Variants in CNTLN observed in about 807,000 individuals in gnomAD.
CNTLN encodes centlein, also known as centlein, centrosomal protein.
CNTLN carries 212 observed loss-of-function variants against 180.0 expected under a neutral mutation model. That is an observed-to-expected ratio of 1.18 (90% confidence interval 1.05 to 1.32). CNTLN has a LOEUF of 1.32. Among genes scored for constraint, CNTLN ranks in the 40% most tolerant of loss-of-function variants. The pLI, the probability that CNTLN is intolerant of heterozygous loss-of-function variation, is 0.00. For synonymous variants in CNTLN, 722 were observed against 563.1 expected (o/e 1.28, Z -3.99); for missense variants, 2,095 against 1,610.9 (o/e 1.30, Z -5.14).
At chr9:17,480,268 A>C (rs746670743) in intron 23 of CNTLN, among the ~76,000 whole-genome samples, 47 of 152,118 alleles carry the variant, frequency 3.1e-4, no homozygotes, top group Non-Finnish European at 5.7e-4. Context: ...CATCCAAAGA[A>C]CTGATTTACC....
intron 5 of CNTLN, among the ~76,000 whole-genome samples, chr9:17,237,022 T>C (rs1825188146): frequency 6.6e-6 from 1 of 152,032 alleles, no homozygotes; most frequent in Non-Finnish European, 1.5e-5. Flanking sequence ...TCTATGGTGG[T>C]GCTTTCTTTG....
chr9:17,198,138 T>C (rs1256445966), intron 2 of CNTLN, among the ~76,000 whole-genome samples: 1 of 152,198 alleles, frequency 6.6e-6, no homozygotes, highest in Non-Finnish European at 1.5e-5. Context: ...TACTATAGCT[T>C]TGTAGTATAA....
chr9:17,408,075 C>T (rs967188957), intron 15 of CNTLN, among the ~76,000 whole-genome samples: 2 of 125,666 alleles, frequency 1.6e-5, no homozygotes, highest in Non-Finnish European at 3.1e-5. Context: ...TGCAGTGAGC[C>T]GAGATCGTGC....
intron 7 of CNTLN, chr9:17,299,381 T>TA: frequency 1.2e-6 from 1 of 860,020 alleles, no homozygotes; most frequent in Non-Finnish European, 1.4e-6. Flanking sequence ...AAGTGAGGCT[T>TA]AGAGAGGTTA....
chr9:17,395,158 G>T lies in CNTLN; in HGVS notation c.2615+89G>T, dbSNP rs377050192. ...TGGAGATTGAATTTCAACTACTGTC[G>T]ATTTGGTATTCAGAAAAAATACTGT... On this transcript the variant is annotated intron_variant, in intron 15 of 25. Transcript: ENST00000380647. 14 of 1,466,124 alleles carry T rather than the reference G, an allele frequency of 9.5e-6. 1 individual carries two copies. The South Asian group carries it at 1.6e-4, about 17-fold the overall frequency. 90.8% of individuals were successfully genotyped at this position (1,466,124 alleles called of 1,614,324 possible). A position where few individuals can be genotyped will look rare whatever the true frequency, so the allele number is the denominator to read the frequency against.
At chr9:17,412,883 T>C (rs1001348347) in intron 16 of CNTLN, among the ~76,000 whole-genome samples, 1 of 152,082 alleles carries the variant, frequency 6.6e-6, no homozygotes, top group East Asian at 1.9e-4. Flanking sequence ...AAAATAGACC[T>C]AAAACAAAAG....
At chr9:17,519,333 A>G in the CNTLN span, among the ~76,000 whole-genome samples, 4 of 151,970 alleles carry the variant, frequency 2.6e-5, no homozygotes, top group African/African-American at 9.7e-5. Context: ...CATAAAATTA[A>G]CTGTTCTTTT....
At chr9:17,218,345 T>G (rs1342600217) in intron 2 of CNTLN, among the ~76,000 whole-genome samples, 1 of 152,146 alleles carries the variant, frequency 6.6e-6, no homozygotes, top group African/African-American at 2.4e-5. Flanking sequence ...AAAGTTTTCT[T>G]TTTTTAAATA....
chr9:17,494,412 G>A (rs1362972414), intron 25 of CNTLN, among the ~76,000 whole-genome samples: 2 of 152,060 alleles, frequency 1.3e-5, no homozygotes, highest in South Asian at 2.1e-4. Context: ...TGTGCAGGTT[G>A]TTATATAGGT....
At chr9:17,197,428 T>C (rs900822120) in intron 2 of CNTLN, among the ~76,000 whole-genome samples, 2 of 152,138 alleles carry the variant, frequency 1.3e-5, no homozygotes, top group Admixed American at 1.3e-4. Context: ...TATTATACTT[T>C]AAGTTCTAGG....
chr9:17,144,549 C>G (rs1290411301), intron 2 of CNTLN, among the ~76,000 whole-genome samples: 4 of 151,866 alleles, frequency 2.6e-5, no homozygotes, highest in Non-Finnish European at 4.4e-5. Context: ...TTTTACTTTT[C>G]TCTTGGTTAA....
At chr9:17,171,991 G>A (rs1820451259) in intron 2 of CNTLN, among the ~76,000 whole-genome samples, 1 of 152,150 alleles carries the variant, frequency 6.6e-6, no homozygotes, top group African/African-American at 2.4e-5. Flanking sequence ...CTGCTGTGTT[G>A]GTGGCTTCAA....
intron 5 of CNTLN, among the ~76,000 whole-genome samples, chr9:17,266,497 A>T (rs571148549): frequency 1.4e-4 from 22 of 152,180 alleles, no homozygotes; most frequent in Non-Finnish European, 1.8e-4. Context: ...TGTGCTGCTG[A>T]ATAAAATGTA....
chr9:17,174,090 CA>C (rs1266229651), intron 2 of CNTLN, among the ~76,000 whole-genome samples: 1 of 152,220 alleles, frequency 6.6e-6, no homozygotes, highest in Non-Finnish European at 1.5e-5. Context: ...TGGAATCAGA[CA>C]GCATGTAACT....
In CNTLN at chr9:17,357,360, C is replaced by T. The variant is rs1039752846; in HGVS notation, c.1887-9257C>T. On this transcript the variant is annotated intron_variant, in intron 12 of 25. Coordinates refer to ENST00000380647, the MANE Select transcript of CNTLN (RefSeq NM_017738.4). The stretch of plus-strand genomic sequence containing the variant: ...CAGGATTCTTTGTATCCTCCACAGG[C>T]AGATATATCACTTGAGTAAATGGCA... 3.3e-5 allele frequency among the ~76,000 whole-genome samples: 5 copies of T among 151,762 alleles called. No homozygotes were observed. In the East Asian group the frequency reaches 9.7e-4, roughly 29 times the overall value.
intron 25 of CNTLN, among the ~76,000 whole-genome samples, chr9:17,489,797 A>G (rs1039717543): frequency 2.0e-5 from 3 of 152,008 alleles, no homozygotes; most frequent in Non-Finnish European, 4.4e-5. Context: ...TTGTGATGCT[A>G]TTGGTAATTT....
chr9:17,395,116 T>C (rs1277415502), intron 15 of CNTLN, 47 bp downstream of exon 15: 5 of 1,525,194 alleles, frequency 3.3e-6, no homozygotes, highest in Non-Finnish European at 4.4e-6. Context: ...ACTGCGCATA[T>C]GTAAAGCACT....
intron 2 of CNTLN, among the ~76,000 whole-genome samples, chr9:17,212,773 T>G (rs1040856735): frequency 2.4e-4 from 36 of 152,194 alleles, no homozygotes; most frequent in African/African-American, 8.2e-4. Context: ...TCTTCCTGGT[T>G]TAGTCTTCGG....
At chr9:17,293,310 C>T (rs540579508) in intron 6 of CNTLN, among the ~76,000 whole-genome samples, 48 of 152,334 alleles carry the variant, frequency 3.2e-4, no homozygotes, top group African/African-American at 8.7e-4. Context: ...GGAGCGGGTG[C>T]GCTGTGCTGT....
Sources: gnomAD v4.1 joint callset for allele counts (sites outside exome capture counted in the v4.1 genomes callset) on GRCh38, gnomAD v4.1.1 for gene constraint, MANE v1.5 for transcripts, NCBI Gene and HGNC (gene_info 2026-07-23, HGNC 2026-07-21) for gene names.